Variants in SRGAP1 observed in about 807,000 individuals in gnomAD.
SRGAP1 encodes SLIT-ROBO Rho GTPase-activating protein 1.
Under a neutral mutation model 121.9 loss-of-function variants are expected in SRGAP1, and 43 were observed. The ratio of observed to expected loss-of-function variants is 0.35; its 90% confidence interval spans 0.28 to 0.46. SRGAP1 has a LOEUF of 0.46. SRGAP1 is among the 20% of genes least tolerant of loss of function. The pLI, the probability that SRGAP1 is intolerant of heterozygous loss-of-function variation, is 1.00. For synonymous variants in SRGAP1, 447 were observed against 485.4 expected, an observed-to-expected ratio of 0.92 and a Z score of 1.04; for missense variants, 1,102 against 1,350.9, an observed-to-expected ratio of 0.82 and a Z score of 2.89.
At chr12:64,018,288 G>T (rs7958660) in intron 4 of SRGAP1, among the ~76,000 whole-genome samples, 66,900 of 151,582 alleles carry the variant, frequency 0.44, 15,140 homozygotes, top group African/African-American at 0.48. Context: ...ACAGGGTTTC[G>T]CCATGTTGGC....
chr12:64,062,335 C>G lies in SRGAP1; in HGVS notation c.802-582C>G, dbSNP rs573759582. 5.3e-5 allele frequency among the ~76,000 whole-genome samples: 8 copies of G among 152,280 alleles called. No individual in the cohort carries two copies. In the South Asian group the frequency reaches 1.7e-3, roughly 32 times the overall value. ...ATGTGCTTGTTGACCATTTGTATGT[C>G]GTCTTTGAAGACATGTCTATTCAGA... On this transcript the variant is annotated intron_variant, in intron 6 of 21. Coordinates refer to ENST00000355086, the MANE Select transcript of SRGAP1 (RefSeq NM_020762.4).
chr12:63,961,980 G>A (rs2032655652), intron 1 of SRGAP1, among the ~76,000 whole-genome samples: 1 of 152,126 alleles, frequency 6.6e-6, no homozygotes, highest in African/African-American at 2.4e-5. Context: ...GTGGAAAGGA[G>A]GAAATTAAAT....
chr12:64,110,525 A>G (rs2036415510), intron 16 of SRGAP1, among the ~76,000 whole-genome samples: 2 of 152,190 alleles, frequency 1.3e-5, no homozygotes, highest in Admixed American at 6.5e-5. Flanking sequence ...GAAATTAGCT[A>G]TTATTTTTTA....
chr12:63,902,018 T>C (rs565756765), intron 1 of SRGAP1, among the ~76,000 whole-genome samples: 80 of 152,340 alleles, frequency 5.3e-4, no homozygotes, highest in African/African-American at 1.9e-3. Flanking sequence ...AAGACATGTT[T>C]TACAGAAATT....
intron 3 of SRGAP1, among the ~76,000 whole-genome samples, chr12:64,006,439 A>C (rs2034083600): frequency 1.3e-5 from 2 of 152,206 alleles, no homozygotes; most frequent in African/African-American, 4.8e-5. Context: ...ATAAACAGTG[A>C]GTAACAGCTG....
At chr12:63,881,077 A>G (rs1900180387) in intron 1 of SRGAP1, among the ~76,000 whole-genome samples, 1 of 152,194 alleles carries the variant, frequency 6.6e-6, no homozygotes, top group African/African-American at 2.4e-5. Context: ...TGCACAGTAT[A>G]TTTTGCGAAG....
intron 1 of SRGAP1, chr12:63,888,041 C>G (rs1309193527): frequency 6.6e-6 from 1 of 152,202 alleles, no homozygotes; most frequent in Non-Finnish European, 1.5e-5. Context: ...TTTTTGTGTC[C>G]TCTTTTTTAG....
At chr12:64,094,781 G>A (rs1374863989) in intron 12 of SRGAP1, 151 bp from the exon 13 acceptor site, 13 of 707,200 alleles carry the variant, frequency 1.8e-5, no homozygotes, top group Non-Finnish European at 1.5e-5. Context: ...AGCAAAGTAA[G>A]TTGAAACAGA....
chr12:63,951,311 C>T (rs2032287448), intron 1 of SRGAP1, among the ~76,000 whole-genome samples: 1 of 151,704 alleles, frequency 6.6e-6, no homozygotes, highest in East Asian at 1.9e-4. Flanking sequence ...TTACAGGCGC[C>T]CACCACCATG....
At chr12:63,969,177 A>G (rs911786532) in intron 1 of SRGAP1, among the ~76,000 whole-genome samples, 3 of 152,182 alleles carry the variant, frequency 2.0e-5, no homozygotes, top group African/African-American at 7.2e-5. Context: ...CCTAACCATG[A>G]AAATAAAATG....
intron 3 of SRGAP1, among the ~76,000 whole-genome samples, chr12:64,016,099 T>C (rs2034394123): frequency 6.6e-6 from 1 of 152,144 alleles, no homozygotes; most frequent in Non-Finnish European, 1.5e-5. Flanking sequence ...TAATAATAAA[T>C]GCAGAGGTAA....
At chr12:64,040,627 A>AG (rs2034996926) in intron 4 of SRGAP1, among the ~76,000 whole-genome samples, 1 of 152,200 alleles carries the variant, frequency 6.6e-6, no homozygotes. Flanking sequence ...TATTGGAAAA[A>AG]TTATGATTTT....
chr12:63,866,927 G>C (rs951067928), intron 1 of SRGAP1, among the ~76,000 whole-genome samples: 3 of 151,262 alleles, frequency 2.0e-5, no homozygotes, highest in African/African-American at 7.3e-5. Context: ...AGAGTGCAGT[G>C]GCACGCTCAT....
At chr12:64,098,005 A>G (rs774043385) in intron 15 of SRGAP1, among the ~76,000 whole-genome samples, 5 of 152,176 alleles carry the variant, frequency 3.3e-5, no homozygotes, top group Non-Finnish European at 5.9e-5. Context: ...CCATGAATTA[A>G]TTATTAGCCA....
intron 4 of SRGAP1, among the ~76,000 whole-genome samples, chr12:64,037,224 G>A (rs6581529): frequency 0.56 from 85,669 of 151,926 alleles, 24,679 homozygotes; most frequent in South Asian, 0.67. Flanking sequence ...AGGGAGCCGT[G>A]AGTGACTGAC....
chr12:64,020,843 C>CAAAAAAA (rs34144761), intron 4 of SRGAP1, among the ~76,000 whole-genome samples: 14 of 69,918 alleles, frequency 2.0e-4, no homozygotes, highest in African/African-American at 5.4e-4. Flanking sequence ...GACTCCGTCT[C>CAAAAAAA]AAAAAAAAAA....
chr12:64,079,464 A>G (rs2035797704), intron 9 of SRGAP1, among the ~76,000 whole-genome samples: 1 of 149,590 alleles, frequency 6.7e-6, no homozygotes, highest in Non-Finnish European at 1.5e-5. Flanking sequence ...CCCTGTCTCT[A>G]CAAAACATAT....
chr12:63,990,670 A>T (rs946677386), intron 3 of SRGAP1, among the ~76,000 whole-genome samples: 23 of 152,244 alleles, frequency 1.5e-4, no homozygotes, highest in African/African-American at 5.3e-4. Context: ...AAAAATTTTG[A>T]TATAAGATGT....
chr12:64,076,715 C>G (rs1263004073), intron 8 of SRGAP1, among the ~76,000 whole-genome samples: 1 of 151,992 alleles, frequency 6.6e-6, no homozygotes, highest in Non-Finnish European at 1.5e-5. Context: ...GGCACGATCT[C>G]AGCTCACTGC....
Sources: allele counts gnomAD v4.1 joint callset (sites outside exome capture counted in the v4.1 genomes callset), GRCh38; gene constraint gnomAD v4.1.1; transcripts MANE v1.5; gene names NCBI Gene and HGNC (gene_info 2026-07-23, HGNC 2026-07-21).